Variants in PPP2R5D observed in about 807,000 individuals in gnomAD.
The protein encoded by PPP2R5D is serine/threonine-protein phosphatase 2A 56 kDa regulatory subunit delta isoform.
A neutral mutation model predicts 79.1 loss-of-function variants in PPP2R5D; 12 were observed. The ratio of observed to expected loss-of-function variants is 0.15; its 90% CI spans 0.10 to 0.25. The LOEUF (loss-of-function observed/expected upper bound fraction) is 0.25. Ranked by LOEUF, PPP2R5D falls within the 10% of genes least tolerant of loss-of-function variation. The probability of loss-of-function intolerance (pLI) is 1.00; values close to 1 mark genes in which losing one functional copy is unlikely to be tolerated. For synonymous variants in PPP2R5D, 277 were observed against 286.6 expected (o/e 0.97, Z 0.34); for missense variants, 419 against 760.2 (o/e 0.55, Z 5.28).
intron 2 of PPP2R5D, among the ~76,000 whole-genome samples, chr6:43,005,267 C>G (rs1762010409): frequency 6.9e-6 from 1 of 144,528 alleles, no homozygotes; most frequent in South Asian, 2.2e-4. Context: ...GAATTTCTTT[C>G]TTTTACCTTT....
At position 43,006,993 on chromosome 6, in the gene PPP2R5D, A is replaced by G. The variant is rs1182908459; in HGVS notation, c.405A>G (p.Pro135=). 1 of 1,614,088 alleles carries G rather than the reference A, an allele frequency of 6.2e-7. No individual in the cohort carries two copies. ...TCCTCTTTGACTTCGTGTCAGACCC[A>G]CTCAGTGACCTCAAATTCAAGGAGG... ...CCVLFDFVSD[P]LSDLKFKEVK... is the part of the protein sequence containing the mutation. Residue 135 remains proline, a synonymous_variant, in exon 4 of 16, where the codon CCA becomes CCG. Coordinates refer to ENST00000485511, the MANE Select transcript of PPP2R5D (RefSeq NM_006245.4). This position sits in a 1 kb window ranked among gnomAD's most constrained non-coding sequence, Gnocchi z 4.7.
chr6:43,002,186 C>T (rs1297760294), intron 2 of PPP2R5D, among the ~76,000 whole-genome samples: 29 of 142,312 alleles, frequency 2.0e-4, no homozygotes, highest in African/African-American at 6.4e-4. Context: ...TTTTTTGATT[C>T]GGAGTCTCGC....
At chr6:42,988,162 C>G (rs1770992962) in intron 1 of PPP2R5D, among the ~76,000 whole-genome samples, 1 of 152,220 alleles carries the variant, frequency 6.6e-6, no homozygotes. Flanking sequence ...GAGCTCTCTT[C>G]TCCCTGAAAT....
chr6:42,996,833 T>A (rs1771731864), intron 2 of PPP2R5D, among the ~76,000 whole-genome samples: 1 of 152,244 alleles, frequency 6.6e-6, no homozygotes, highest in African/African-American at 2.4e-5. Flanking sequence ...AGAAGGCCTC[T>A]GATTTTTGGG....
rs1277184780 is a variant in PPP2R5D at position 43,006,385 on chromosome 6, C to G, written c.106-78C>G. The G allele has an allele frequency of 1.9e-6, 3 of 1,542,388 alleles. No homozygotes were observed. Among genetic ancestry groups the G allele is most frequent in the Non-Finnish European group, 2.6e-6 (3 of 1,145,242 alleles). ...CTGCCCAGGCCTGTGCAGGCATAAA[C>G]AGACTTGGGGATGGCCAGGCCCAGG... On this transcript the variant is annotated intron_variant, in intron 2 of 15. Coordinates refer to ENST00000485511, the MANE Select transcript of PPP2R5D (RefSeq NM_006245.4). This position sits in a 1 kb window ranked among gnomAD's most constrained non-coding sequence, Gnocchi z 4.7.
chr6:42,998,710 C>A (rs938394733), intron 2 of PPP2R5D, among the ~76,000 whole-genome samples: 8 of 152,014 alleles, frequency 5.3e-5, no homozygotes, highest in African/African-American at 1.9e-4. Context: ...CCAGCCTGGG[C>A]AACATGGTGA....
intron 2 of PPP2R5D, among the ~76,000 whole-genome samples, chr6:43,000,213 C>A (rs1772081179): frequency 6.9e-6 from 1 of 145,710 alleles, no homozygotes; most frequent in Non-Finnish European, 1.5e-5. Flanking sequence ...GGATTACAGG[C>A]GTGAGCCACC....
At position 42,984,619 on chromosome 6, in the gene PPP2R5D, G is replaced by C. The variant is rs1581787343; in HGVS notation, c.-59G>C. ...GACGCCGAGCGGGCCGAGTGCGGCCGAGCAAAGCCGGAGCCGGAGCGGGGC... is the reference window on the plus strand; with the variant it reads ...GACGCCGAGCGGGCCGAGTGCGGCCCAGCAAAGCCGGAGCCGGAGCGGGGC... On this transcript the variant is annotated 5_prime_UTR_variant, in exon 1 of 16. Transcript: ENST00000485511. 3 of 1,557,186 alleles carry C rather than the reference G, an allele frequency of 1.9e-6. No homozygotes were observed. The highest frequency in any genetic ancestry group is 2.8e-5 in the African/African-American group (2 of 72,218).
rs1178499967 is a variant in PPP2R5D at position 43,007,738 on chromosome 6, A to G, written c.727-197A>G. ...GCAACAGAGTACCTCTCTCAGGTCA[A>G]TAGTGAGGCATCACTTTGGAAGTCT... is the stretch of plus-strand genomic sequence containing the variant. On this transcript the variant is annotated intron_variant, in intron 6 of 15. Coordinates refer to ENST00000485511, the MANE Select transcript of PPP2R5D (RefSeq NM_006245.4). The surrounding 1 kb of genome is among the most constrained non-coding windows in gnomAD (Gnocchi z 4.5). 6.6e-6 allele frequency among the ~76,000 whole-genome samples: 1 copy of G among 152,242 alleles called. No homozygotes were observed. Among genetic ancestry groups the G allele is most frequent in the African/African-American group, 2.4e-5 (1 of 41,458 alleles).
intron 1 of PPP2R5D, among the ~76,000 whole-genome samples, chr6:42,987,402 G>T (rs1354625284): frequency 1.3e-5 from 2 of 151,872 alleles, no homozygotes; most frequent in African/African-American, 2.4e-5. Context: ...TGCCCCCTCC[G>T]ATTTTTTTCT....
At chr6:42,992,770 C>T (rs1771357641) in intron 2 of PPP2R5D, among the ~76,000 whole-genome samples, 2 of 152,136 alleles carry the variant, frequency 1.3e-5, no homozygotes, top group Non-Finnish European at 2.9e-5. Flanking sequence ...TGCAGTGGGC[C>T]ATGATCGTAC....
At chr6:42,985,467 G>C (rs965006947) in intron 1 of PPP2R5D, among the ~76,000 whole-genome samples, 1 of 152,186 alleles carries the variant, frequency 6.6e-6, no homozygotes, top group African/African-American at 2.4e-5. Context: ...GCAATATCAG[G>C]TCTCCTGACT....
chr6:43,011,387 G>A lies in PPP2R5D; in HGVS notation c.*101G>A. On this transcript the variant is annotated 3_prime_UTR_variant, in exon 16 of 16. Transcript: ENST00000485511. The stretch of plus-strand genomic sequence containing the variant: ...CTACTGGCTGTCTTGGGGGAAGGCA[G>A]CGCCTCTCTAGCTACTCAAGGGAGG... The A allele has an allele frequency of 6.7e-7, 1 of 1,485,916 alleles. No homozygotes were observed. Among genetic ancestry groups the A allele is most frequent in the Non-Finnish European group, 9.1e-7 (1 of 1,095,452 alleles). 92.0% of individuals were successfully genotyped at this position (1,485,916 alleles called of 1,614,324 possible).
chr6:42,984,646 G>A lies in PPP2R5D; in HGVS notation c.-32G>A. ...GCAAAGCCGGAGCCGGAGCGGGGCCGCAGGAGACGGGCCGGGTCCGGACGG... is the reference window on the plus strand; with the variant it reads ...GCAAAGCCGGAGCCGGAGCGGGGCCACAGGAGACGGGCCGGGTCCGGACGG... On this transcript the variant is annotated 5_prime_UTR_variant, in exon 1 of 16. Coordinates refer to ENST00000485511, the MANE Select transcript of PPP2R5D (RefSeq NM_006245.4). 1.3e-6 allele frequency: 2 copies of A among 1,587,954 alleles called. No homozygotes were observed. The highest frequency in any genetic ancestry group is 1.7e-6 in the Non-Finnish European group (2 of 1,168,910).
chr6:43,002,331 T>C (rs1009309022), intron 2 of PPP2R5D, among the ~76,000 whole-genome samples: 27 of 152,162 alleles, frequency 1.8e-4, no homozygotes, highest in Admixed American at 5.2e-4. Flanking sequence ...GCCCAGCTAA[T>C]TTTTTGTATC....
intron 2 of PPP2R5D, among the ~76,000 whole-genome samples, chr6:43,001,208 G>A (rs1772174236): frequency 6.6e-6 from 1 of 152,172 alleles, no homozygotes; most frequent in African/African-American, 2.4e-5. Flanking sequence ...AGGGTGGAGT[G>A]CAATGACATG....
At chr6:42,992,430 C>T (rs1771337028) in intron 2 of PPP2R5D, among the ~76,000 whole-genome samples, 1 of 152,130 alleles carries the variant, frequency 6.6e-6, no homozygotes, top group Admixed American at 6.6e-5. Context: ...TTTGCCAGAG[C>T]CTTTCTAATT....
Position 43,011,244 on chromosome 6 carries a change from G to T in PPP2R5D, c.1767G>T (p.Lys589Asn), listed in dbSNP as rs778306387. Residue 589 changes from lysine to asparagine, a missense_variant, in exon 16 of 16, where the codon AAG (lysine) becomes AAT (asparagine). Coordinates refer to ENST00000485511, the MANE Select transcript of PPP2R5D (RefSeq NM_006245.4). Reference sequence around the variant, plus strand: ...CCATCAAGGCACTGGAGGCGCACAAGCGGGCGGAAGAGTTCCTAACTGCCA... The same window carrying T: ...CCATCAAGGCACTGGAGGCGCACAATCGGGCGGAAGAGTTCCTAACTGCCA... ...VYTIKALEAH[K>N]RAEEFLTASQ... The T allele has an allele frequency of 1.2e-6, 2 of 1,613,990 alleles. No homozygotes were observed. Among genetic ancestry groups the T allele is most frequent in the Non-Finnish European group, 8.5e-7 (1 of 1,180,022 alleles).
At position 43,007,138 on chromosome 6, in the gene PPP2R5D, G is replaced by C. The variant is rs779468050; in HGVS notation, c.522+28G>C. The stretch of plus-strand genomic sequence containing the variant: ...GGGCACAGGGAAAGGACACAGGGGG[G>C]ACTGGTGAGGGGCTCTGGAGAAGCC... On this transcript the variant is annotated intron_variant, in intron 4 of 15. Transcript: ENST00000485511. This position sits in a 1 kb window ranked among gnomAD's most constrained non-coding sequence, Gnocchi z 4.5. 2.8e-5 allele frequency: 45 copies of C among 1,614,026 alleles called. No individual in the cohort carries two copies. Among genetic ancestry groups the C allele is most frequent in the Non-Finnish European group, 3.6e-5 (43 of 1,180,008 alleles).
Sources: allele counts gnomAD v4.1 joint callset (sites outside exome capture counted in the v4.1 genomes callset), GRCh38; gene constraint gnomAD v4.1.1; non-coding constraint Gnocchi (gnomAD v3.1); transcripts MANE v1.5; gene names NCBI Gene and HGNC (gene_info 2026-07-23, HGNC 2026-07-21).